The following SEC24C variants were observed in gnomAD, a reference collection of about 807,000 sequenced individuals.
The protein encoded by SEC24C is protein transport protein Sec24C.
SEC24C carries 22 observed loss-of-function variants against 117.0 expected under a neutral mutation model. The ratio of observed to expected loss-of-function variants is 0.19; its 90% confidence interval spans 0.13 to 0.27. SEC24C has a LOEUF of 0.27. SEC24C is among the 10% of genes least tolerant of loss of function. The pLI is 1.00. For missense variants in SEC24C, 1,155 were observed against 1,375.1 expected (o/e 0.84, Z 2.53); for synonymous variants, 506 against 529.4 (o/e 0.96, Z 0.61).
chr10:73,756,088 G>C (rs2082706399), intron 3 of SEC24C, among the ~76,000 whole-genome samples: 1 of 152,120 alleles, frequency 6.6e-6, no homozygotes, highest in Non-Finnish European at 1.5e-5. Context: ...CTCGCCTCAG[G>C]TGAACCGCCC....
chr10:73,750,956 C>G, intron 2 of SEC24C, 152 bp from the exon 3 acceptor site: 1 of 733,904 alleles, frequency 1.4e-6, no homozygotes, highest in South Asian at 1.8e-5. Context: ...GCTGTAGCTA[C>G]AGTTGTATGC....
chr10:73,760,109 C>G lies in SEC24C; in HGVS notation c.573C>G (p.Ser191Arg), dbSNP rs1419520304. Residue 191 changes from serine (S) to arginine (R), a missense_variant, in exon 5 of 23, where the codon AGC (serine) becomes AGG (arginine). This residue lies in a region of SEC24C where 396 missense variants were observed against 382.8 expected (regional missense o/e 1.03). Coordinates refer to ENST00000345254, the MANE Select transcript of SEC24C (RefSeq NM_198597.3). Reference protein sequence around the residue: ...SYPQGQAPPLSQAQGHPGIQT... With the variant: ...SYPQGQAPPLRQAQGHPGIQT... ...CTCAGGGCCAGGCTCCTCCCCTTAG[C>G]CAGGCCCAAGGTCATCCTGGGATCC... is the stretch of plus-strand genomic sequence containing the variant. 6.2e-7 allele frequency: 1 copy of G among 1,614,092 alleles called. No individual in the cohort carries two copies. The highest frequency in any genetic ancestry group is 1.1e-5 in the South Asian group (1 of 91,078).
At chr10:73,755,609 A>G (rs889492446) in intron 3 of SEC24C, among the ~76,000 whole-genome samples, 5 of 151,376 alleles carry the variant, frequency 3.3e-5, no homozygotes, top group Admixed American at 3.3e-4. Context: ...CCCAGGAGGC[A>G]GAGCTTGCAG....
chr10:73,769,377 C>A lies in SEC24C; in HGVS notation c.2455C>A (p.Gln819Lys). 1 of 1,614,026 alleles carries A rather than the reference C, an allele frequency of 6.2e-7. No homozygotes were observed. Among genetic ancestry groups the A allele is most frequent in the Non-Finnish European group, 8.5e-7 (1 of 1,179,964 alleles). Residue 819 changes from glutamine to lysine, a missense_variant, in exon 18 of 23, where the codon CAG becomes AAG. Around this residue, in one of 2 missense-constraint regions of SEC24C, gnomAD observed 759 missense variants for 992.3 expected, o/e 0.76. Transcript: ENST00000345254. This position sits in a 1 kb window ranked among gnomAD's most constrained non-coding sequence, Gnocchi z 4.5. The stretch of plus-strand genomic sequence containing the variant: ...CCTGCTTTACACCAGCTGTGCAGGG[C>A]AGCGTCGGCTCCGCATCCATAATCT... ...CALLYTSCAGQRRLRIHNLAL... is the reference protein window; with the variant it reads ...CALLYTSCAGKRRLRIHNLAL...
intron 3 of SEC24C, among the ~76,000 whole-genome samples, chr10:73,758,951 T>C (rs2082753341): frequency 1.3e-5 from 2 of 152,268 alleles, no homozygotes; most frequent in African/African-American, 2.4e-5. Context: ...GGAAAGACAC[T>C]GTGGTAGACT....
chr10:73,745,559 A>ATTTTTTAT (rs1554965837), intron 1 of SEC24C, among the ~76,000 whole-genome samples: 2 of 150,760 alleles, frequency 1.3e-5, no homozygotes, highest in Non-Finnish European at 3.0e-5. Context: ...TTTATTTTTT[A>ATTTTTTAT]TTTTTTTGAA....
intron 6 of SEC24C, among the ~76,000 whole-genome samples, chr10:73,761,792 C>G (rs1032952424): frequency 2.0e-5 from 3 of 152,064 alleles, no homozygotes; most frequent in African/African-American, 7.2e-5. Flanking sequence ...AGGGGGAACA[C>G]TCCTCTTCTT....
chr10:73,766,875 A>T (rs766088533), intron 13 of SEC24C, 22 bp downstream of exon 13: 9 of 1,593,690 alleles, frequency 5.6e-6, no homozygotes, highest in Middle Eastern at 1.7e-4. Context: ...GTATCGGGCA[A>T]CCTCCTCTAA....
intron 6 of SEC24C, chr10:73,762,246 C>A (rs907447657): frequency 6.4e-6 from 6 of 937,820 alleles, no homozygotes; most frequent in Non-Finnish European, 9.0e-6. Flanking sequence ...TCATCTTCAC[C>A]TCATCTACCA....
At chr10:73,760,457 ATTTG>A (rs1589521106) in intron 5 of SEC24C, 71 bp downstream of exon 5, 2 of 1,489,188 alleles carry the variant, frequency 1.3e-6, no homozygotes, top group South Asian at 1.3e-5. Context: ...GATGTTTTTT[ATTTG>A]TTTGTTTTTA....
At chr10:73,764,381 G>A (rs1045156895) in intron 8 of SEC24C, among the ~76,000 whole-genome samples, 2 of 152,048 alleles carry the variant, frequency 1.3e-5, no homozygotes, top group East Asian at 1.9e-4. Context: ...AAAATTAGCC[G>A]GGCGTGGTGG....
intron 3 of SEC24C, among the ~76,000 whole-genome samples, chr10:73,753,343 C>T (rs1477279742): frequency 6.6e-6 from 1 of 152,186 alleles, no homozygotes; most frequent in South Asian, 2.1e-4. Context: ...TGAGCCACCA[C>T]GCCCAGCTGA....
chr10:73,758,466 A>G (rs2082746085), intron 3 of SEC24C, among the ~76,000 whole-genome samples: 1 of 152,228 alleles, frequency 6.6e-6, no homozygotes, highest in Admixed American at 6.5e-5. Flanking sequence ...ACAATTTAGT[A>G]TATTGACAGA....
rs1432440561 is a variant in SEC24C at position 73,747,007 on chromosome 10, A to ATGTTTC, written c.172+16_172+21dup. 3.1e-6 allele frequency: 5 copies of ATGTTTC among 1,610,044 alleles called. No homozygotes were observed. Among genetic ancestry groups the ATGTTTC allele is most frequent in the Non-Finnish European group, 3.4e-6 (4 of 1,177,790 alleles). Reference sequence around the variant, plus strand: ...CTATCAGCAAACACCTCCCCAAGGTATGTTTCTGTTTCTGTTTCCTTTGAG... The same window carrying ATGTTTC: ...CTATCAGCAAACACCTCCCCAAGGTATGTTTCTGTTTCTGTTTCTGTTTCCTTTGAG... On this transcript the variant is annotated splice_donor_region_variant and intron_variant, in intron 2 of 22. Transcript: ENST00000345254.
intron 7 of SEC24C, 28 bp downstream of exon 7, chr10:73,763,629 G>A: frequency 7.9e-7 from 1 of 1,272,222 alleles, no homozygotes. Flanking sequence ...TCCTCCCACA[G>A]GGGCTTTTTC....
In SEC24C at chr10:73,771,180, T is replaced by C; in HGVS notation, c.*85T>C. 6.8e-7 allele frequency: 1 copy of C among 1,478,966 alleles called. No individual in the cohort carries two copies. The highest frequency in any genetic ancestry group is 2.3e-5 in the East Asian group (1 of 44,118). The allele number at this position is 1,478,966 out of a possible 1,614,324, so 91.6% of individuals were successfully genotyped here. A position where few individuals can be genotyped will look rare whatever the true frequency, so the allele number is the denominator to read the frequency against. On this transcript the variant is annotated 3_prime_UTR_variant, in exon 23 of 23. Coordinates refer to ENST00000345254, the MANE Select transcript of SEC24C (RefSeq NM_198597.3). ...AGAGAAATTGGGACAGTAACATATC[T>C]TATGTAAGCTGACCTCAGTCTCTCT...
intron 7 of SEC24C, 105 bp downstream of exon 7, chr10:73,763,706 T>TTTTTAAA: frequency 2.9e-6 from 2 of 681,254 alleles, no homozygotes; most frequent in Non-Finnish European, 4.5e-6. Context: ...TTTTAGTTTT[T>TTTTTAAA]AACCAGAGAC....
rs919118603 is a variant in SEC24C at position 73,765,495 on chromosome 10, C to T, written c.1272C>T (p.Arg424=). 1.9e-6 allele frequency: 3 copies of T among 1,613,948 alleles called. No homozygotes were observed. Among genetic ancestry groups the T allele is most frequent in the Non-Finnish European group, 2.5e-6 (3 of 1,179,902 alleles). Residue 424 remains arginine, a synonymous_variant, in exon 9 of 23, where the codon CGC becomes CGT. Transcript: ENST00000345254. ...ACCATGGGGAATCTGGCCCTTTGCG[C>T]TGCAACCGCTGCAAAGCATACATGT... ...VVDHGESGPL[R]CNRCKAYMCP...
intron 2 of SEC24C, among the ~76,000 whole-genome samples, chr10:73,749,650 T>C (rs940544758): frequency 6.6e-6 from 1 of 152,010 alleles, no homozygotes; most frequent in African/African-American, 2.4e-5. Context: ...TTCAAGCAGT[T>C]CTCCTGTCTC....
Sources: gnomAD v4.1 joint callset for allele counts (sites outside exome capture counted in the v4.1 genomes callset) on GRCh38, gnomAD v4.1.1 for gene constraint, gnomAD v4.1.1 regional missense constraint, Gnocchi (gnomAD v3.1) non-coding constraint, MANE v1.5 for transcripts, NCBI Gene and HGNC (gene_info 2026-07-23, HGNC 2026-07-21) for gene names.